DDN: variants seen among roughly 807,000 people sequenced by gnomAD.
The protein encoded by DDN is dendrin.
DDN carries 4 observed loss-of-function variants against 7.3 expected under a neutral mutation model. The ratio of observed to expected loss-of-function variants is 0.55; its 90% CI spans 0.27 to 1.25. The LOEUF (loss-of-function observed/expected upper bound fraction) is 1.25. DDN is among the 50% of genes most tolerant of loss of function. The pLI, the probability that DDN is intolerant of heterozygous loss-of-function variation, is 0.12. For missense variants in DDN, 933 were observed against 974.7 expected (o/e 0.96, Z 0.57); for synonymous variants, 425 against 424.3 (o/e 1.00, Z -0.02).
chr12:48,998,553 C>A lies in DDN; in HGVS notation c.323G>T (p.Arg108Leu). 3 of 1,593,946 alleles carry A rather than the reference C, an allele frequency of 1.9e-6. No homozygotes were observed. The highest frequency in any genetic ancestry group is 2.2e-5 in the South Asian group (2 of 90,358). ...CGCCGCTTTCCTTTTCTCTTGCTCC[C>A]GAGCTCGGACCTCGGCCAGGGGCCC... ...RAGPLAEVRA[R>L]EQEKRKAASQ... Residue 108 changes from arginine to leucine, a missense_variant, in exon 2 of 2, where the codon CGG becomes CTG. Coordinates refer to ENST00000421952, the MANE Select transcript of DDN (RefSeq NM_015086.2).
chr12:48,996,675 G>A lies in DDN; in HGVS notation c.*65C>T, dbSNP rs1941208527. On this transcript the variant is annotated 3_prime_UTR_variant, in exon 2 of 2. Transcript: ENST00000421952. ...AAGAGAAGCAAAGGAAGTCTGTGGG[G>A]AAGAATGGGGACCAGTGGACCCAAG... is the stretch of plus-strand genomic sequence containing the variant. 2 of 1,561,610 alleles carry A rather than the reference G, an allele frequency of 1.3e-6. No homozygotes were observed. Among genetic ancestry groups the A allele is most frequent in the Non-Finnish European group, 1.7e-6 (2 of 1,152,330 alleles).
Position 48,996,724 on chromosome 12 carries a change from T to C in DDN, c.*16A>G, listed in dbSNP as rs762800536. On this transcript the variant is annotated 3_prime_UTR_variant, in exon 2 of 2. Transcript: ENST00000421952. The stretch of plus-strand genomic sequence containing the variant: ...AGGATGGATGCGTTGGGGACACAAA[T>C]ACAAGAAGGGGCCTCTCACTGCCTC... The C allele has an allele frequency of 1.7e-4, 267 of 1,607,950 alleles. 3 individuals carry two copies. Among genetic ancestry groups the C allele is most frequent in the Non-Finnish European group, 1.7e-6 (2 of 1,175,296 alleles).
In DDN at chr12:48,997,993, C is replaced by G; in HGVS notation, c.883G>C (p.Gly295Arg). 4.3e-6 allele frequency: 7 copies of G among 1,613,462 alleles called. No individual in the cohort carries two copies. The highest frequency in any genetic ancestry group is 1.1e-5 in the South Asian group (1 of 91,088). Residue 295 changes from glycine (G) to arginine (R), a missense_variant, in exon 2 of 2, where the codon GGG becomes CGG. Physicochemically the swap from Gly to Arg is moderately radical, Grantham distance 125. Transcript: ENST00000421952. ...GCCGCTCCACAGCCTGGGGATCCCC[C>G]CAAGAGACCTTGCCCCTGTCGGAGA... The part of the protein sequence containing the change: ...WGLRQGQGLL[G>R]GSPGCGAARA...
chr12:48,998,296 C>A lies in DDN; in HGVS notation c.580G>T (p.Gly194Ter). 6.3e-7 allele frequency: 1 copy of A among 1,595,062 alleles called. No homozygotes were observed. Among genetic ancestry groups the A allele is most frequent in the East Asian group, 2.2e-5 (1 of 44,468 alleles). The change falls in exon 2 of 2, where the codon GGA becomes TGA. Residue 194 changes from glycine (G) to a stop codon, truncating the protein, a stop_gained. Transcript: ENST00000421952. LOFTEE classifies it low-confidence loss of function (END_TRUNC). ...CTTGGGGGCCCGGGCCGCCGACCTC[C>A]CCAGGGCCCCGCCCACGCCGACCCT... The part of the protein sequence containing the change: ...DPGSAWAGPW[G>*]GRRPGPPSYE...
In DDN at chr12:48,999,097, C is replaced by A. The variant is rs142718707; in HGVS notation, c.191G>T (p.Arg64Leu). The change falls in exon 1 of 2, where the codon CGC becomes CTC. Residue 64 changes from arginine to leucine, a missense_variant. Physicochemically the swap from Arg to Leu is moderately radical, Grantham distance 102. Transcript: ENST00000421952. ...CACTCACGTGCGGTTCTGGAACCCG[C>A]GAGCCCAGTGGCTGGCCTGGAAGTC... ...PMDFQASHWARGFQNRTCGPR... is the reference protein window; with the variant it reads ...PMDFQASHWALGFQNRTCGPR... The A allele has an allele frequency of 6.2e-7, 1 of 1,613,984 alleles. No homozygotes were observed. The highest frequency in any genetic ancestry group is 1.7e-5 in the Admixed American group (1 of 60,000).
In DDN at chr12:48,997,369, C is replaced by G. The variant is rs754988713; in HGVS notation, c.1507G>C (p.Ala503Pro). Residue 503 changes from alanine to proline, a missense_variant, in exon 2 of 2, where the codon GCC becomes CCC. Transcript: ENST00000421952. ...SKPGKEEGEG[A>P]TVFPSPCQKR... ...TGACAAGGGGAAGGAAAGACCGTGG[C>G]CCCTTCACCCTCCTCCTTGCCGGGC... is the stretch of plus-strand genomic sequence containing the variant. 6.9e-5 allele frequency: 111 copies of G among 1,613,078 alleles called. No individual in the cohort carries two copies. Among genetic ancestry groups the G allele is most frequent in the Non-Finnish European group, 9.2e-5 (108 of 1,179,716 alleles).
At position 48,998,014 on chromosome 12, in the gene DDN, G is replaced by A; in HGVS notation, c.862C>T (p.Arg288Ter). ...CCCCCCAAGAGACCTTGCCCCTGTCGGAGACCCCAAGCCCCGAGGACGTCC... is the reference window on the plus strand; with the variant it reads ...CCCCCCAAGAGACCTTGCCCCTGTCAGAGACCCCAAGCCCCGAGGACGTCC... Reference protein sequence around the residue: ...YRDVLGAWGLRQGQGLLGGSP... With the variant: ...YRDVLGAWGL The change falls in exon 2 of 2, where the codon CGA (arginine) becomes TGA (stop). Residue 288 changes from arginine (R) to a stop codon, truncating the protein, a stop_gained. Coordinates refer to ENST00000421952, the MANE Select transcript of DDN (RefSeq NM_015086.2). LOFTEE classifies it low-confidence loss of function (END_TRUNC). 6.2e-7 allele frequency: 1 copy of A among 1,613,606 alleles called. No homozygotes were observed. The highest frequency in any genetic ancestry group is 8.5e-7 in the Non-Finnish European group (1 of 1,180,030).
rs770146673 is a variant in DDN, at chr12:48,996,073, G to T, written c.*667C>A. On this transcript the variant is annotated 3_prime_UTR_variant, in exon 2 of 2. Transcript: ENST00000421952. ...TCCCAATTCTCATTCTTGGCTTGTC[G>T]AGGGGAGGATGAGATAGAGTCCTTT... 6.6e-6 allele frequency: 1 copy of T among 152,222 alleles called. No homozygotes were observed. 9.4% of individuals were successfully genotyped at this position (152,222 alleles called of 1,614,324 possible).
rs1441359899 is a variant in DDN at position 48,997,371 on chromosome 12, C to T, written c.1505G>A (p.Gly502Glu). The change falls in exon 2 of 2, where the codon GGG becomes GAG. Residue 502 changes from glycine to glutamate, a missense_variant. Coordinates refer to ENST00000421952, the MANE Select transcript of DDN (RefSeq NM_015086.2). ...ACAAGGGGAAGGAAAGACCGTGGCCCCTTCACCCTCCTCCTTGCCGGGCTT... is the reference window on the plus strand; with the variant it reads ...ACAAGGGGAAGGAAAGACCGTGGCCTCTTCACCCTCCTCCTTGCCGGGCTT... ...QSKPGKEEGE[G>E]ATVFPSPCQK... 6.2e-7 allele frequency: 1 copy of T among 1,613,294 alleles called. No homozygotes were observed. Among genetic ancestry groups the T allele is most frequent in the Non-Finnish European group, 8.5e-7 (1 of 1,179,810 alleles).
chr12:48,998,517 C>A lies in DDN; in HGVS notation c.359G>T (p.Arg120Leu), dbSNP rs943173313. ...TTTTCGCTCGGTCTCCTTGGCCTCC[C>A]GCTCCTGCGACGCCGCTTTCCTTTT... Reference protein sequence around the residue: ...QEKRKAASQEREAKETERKRR... With the variant: ...QEKRKAASQELEAKETERKRR... Residue 120 changes from arginine to leucine, a missense_variant, in exon 2 of 2, where the codon CGG becomes CTG. By Grantham distance (102) the Arg-to-Leu change is moderately radical. Coordinates refer to ENST00000421952, the MANE Select transcript of DDN (RefSeq NM_015086.2). 6.3e-7 allele frequency: 1 copy of A among 1,594,178 alleles called. No individual in the cohort carries two copies. Among genetic ancestry groups the A allele is most frequent in the Admixed American group, 1.7e-5 (1 of 59,694 alleles).
At position 48,995,782 on chromosome 12, in the gene DDN, G is replaced by C. The variant is rs1242232623; in HGVS notation, c.*958C>G. 1.3e-5 allele frequency: 2 copies of C among 152,522 alleles called. No homozygotes were observed. Among genetic ancestry groups the C allele is most frequent in the East Asian group, 3.9e-4 (2 of 5,192 alleles). The allele number at this position is 152,522 out of a possible 1,614,324, so 9.4% of individuals were successfully genotyped here. ...CAGAGCATCACTAAGGAGCATCGGG[G>C]TGGAGGAAAAGGGGAAGGCCTAAAG... On this transcript the variant is annotated 3_prime_UTR_variant, in exon 2 of 2. Coordinates refer to ENST00000421952, the MANE Select transcript of DDN (RefSeq NM_015086.2).
chr12:48,997,614 C>G lies in DDN; in HGVS notation c.1262G>C (p.Gly421Ala). ...ACCCTCCAGGGTCTCCGGTCCTGCCCCCTCTCCAAGACCCAGAGATTCTCT... is the reference window on the plus strand; with the variant it reads ...ACCCTCCAGGGTCTCCGGTCCTGCCGCCTCTCCAAGACCCAGAGATTCTCT... ...GWRESLGLGE[G>A]AGPETLEGWK... The change falls in exon 2 of 2, where the codon GGG becomes GCG. Residue 421 changes from glycine to alanine, a missense_variant. Transcript: ENST00000421952. 1 of 1,557,392 alleles carries G rather than the reference C, an allele frequency of 6.4e-7. No individual in the cohort carries two copies.
chr12:48,998,241 GA>G lies in DDN; in HGVS notation c.634del (p.Ser212LeufsTer114). ...GCGGCGTCGTGGGGCGGTCCCGGCA[GA>G]ACCTCTCAGCAGCAGGTGAGCCTCG... The part of the protein sequence containing the change: ...SYEAHLLLRG[S>X]AGTAPRRRWD... On this transcript the variant is annotated frameshift_variant, in exon 2 of 2. Transcript: ENST00000421952. LOFTEE classifies it low-confidence loss of function (END_TRUNC). 4 of 1,612,182 alleles carry G rather than the reference GA, an allele frequency of 2.5e-6. No homozygotes were observed. The highest frequency in any genetic ancestry group is 2.5e-6 in the Non-Finnish European group (3 of 1,179,640).
Position 48,995,860 on chromosome 12 carries a change from AG to A in DDN, c.*879del, listed in dbSNP as rs1288925543. 6.5e-6 allele frequency: 1 copy of A among 152,928 alleles called. No individual in the cohort carries two copies. The highest frequency in any genetic ancestry group is 2.4e-5 in the African/African-American group (1 of 41,448). 9.5% of individuals were successfully genotyped at this position (152,928 alleles called of 1,614,324 possible). On this transcript the variant is annotated 3_prime_UTR_variant, in exon 2 of 2. Transcript: ENST00000421952. ...TTCCCTCCCCAGCTCAGACCACCAC[AG>A]GCCAGGGTCAGTGACAGGGCCGCTA...
At chr12:48,998,756 G>T in intron 1 of DDN, 90 bp from the exon 2 acceptor site, 1 of 1,398,940 alleles carries the variant, frequency 7.1e-7, no homozygotes, top group Non-Finnish European at 9.3e-7. Context: ...ACCACTTGGG[G>T]CAGCCATGTG....
At position 48,998,525 on chromosome 12, in the gene DDN, C is replaced by T. The variant is rs1941251308; in HGVS notation, c.351G>A (p.Ser117=). The T allele has an allele frequency of 6.3e-7, 1 of 1,594,378 alleles. No homozygotes were observed. Residue 117 remains serine, a synonymous_variant, in exon 2 of 2, where the codon TCG becomes TCA. Transcript: ENST00000421952. ...CGGTCTCCTTGGCCTCCCGCTCCTG[C>T]GACGCCGCTTTCCTTTTCTCTTGCT... ...AREQEKRKAA[S]QEREAKETER...
Position 48,998,283 on chromosome 12 carries a change from G to T in DDN, c.593C>A (p.Pro198His). 4.4e-6 allele frequency: 7 copies of T among 1,602,746 alleles called. No individual in the cohort carries two copies. The highest frequency in any genetic ancestry group is 6.0e-6 in the Non-Finnish European group (7 of 1,175,944). Residue 198 changes from proline to histidine, a missense_variant, in exon 2 of 2, where the codon CCC becomes CAC. By Grantham distance (77) the Pro-to-His change is moderately conservative. Transcript: ENST00000421952. Reference sequence around the variant, plus strand: ...GTGAGCCTCGTAGCTTGGGGGCCCGGGCCGCCGACCTCCCCAGGGCCCCGC... The same window carrying T: ...GTGAGCCTCGTAGCTTGGGGGCCCGTGCCGCCGACCTCCCCAGGGCCCCGC... ...AWAGPWGGRR[P>H]GPPSYEAHLL... is the part of the protein sequence containing the mutation.
In DDN at chr12:48,995,520, G is replaced by A. The variant is rs1031263727; in HGVS notation, c.*1220C>T. The A allele has an allele frequency of 1.3e-5, 2 of 152,398 alleles. No individual in the cohort carries two copies. Among genetic ancestry groups the A allele is most frequent in the Middle Eastern group, 3.1e-3 (1 of 318 alleles). The allele number at this position is 152,398 out of a possible 1,614,324, so 9.4% of individuals were successfully genotyped here. A position where few individuals can be genotyped will look rare whatever the true frequency, so the allele number is the denominator to read the frequency against. ...GGAGACTGCAAGGCGGGGGACCCGC[G>A]CTCGGGAACTAGGGATAGGATTGAG... On this transcript the variant is annotated 3_prime_UTR_variant, in exon 2 of 2. Transcript: ENST00000421952.
At position 48,998,646 on chromosome 12, in the gene DDN, G is replaced by A; in HGVS notation, c.230C>T (p.Ser77Phe). ...QNRTCGPRPG[S>F]PQPPPRRPWA... The stretch of plus-strand genomic sequence containing the variant: ...GGGCCGGCGGGGCGGCGGCTGTGGG[G>A]ATCCCGGGCGCGGCCCACACCTGGG... The change falls in exon 2 of 2, where the codon TCC becomes TTC. Residue 77 changes from serine (S) to phenylalanine (F), a missense_variant. Coordinates refer to ENST00000421952, the MANE Select transcript of DDN (RefSeq NM_015086.2). 2 of 1,524,534 alleles carry A rather than the reference G, an allele frequency of 1.3e-6. No individual in the cohort carries two copies. Among genetic ancestry groups the A allele is most frequent in the Non-Finnish European group, 1.7e-6 (2 of 1,145,996 alleles). 94.4% of individuals were successfully genotyped at this position (1,524,534 alleles called of 1,614,324 possible).
Sources: allele counts gnomAD v4.1 joint callset, GRCh38; gene constraint gnomAD v4.1.1; transcripts MANE v1.5; gene names NCBI Gene and HGNC (gene_info 2026-07-23, HGNC 2026-07-21).